Variants in GABRA2 observed in about 807,000 individuals in gnomAD.
GABRA2 encodes gamma-aminobutyric acid receptor subunit alpha-2.
Under a neutral mutation model 48.7 loss-of-function variants are expected in GABRA2, and 16 were observed. The ratio of observed to expected loss-of-function variants is 0.33; its 90% confidence interval spans 0.22 to 0.50. The LOEUF (loss-of-function observed/expected upper bound fraction) is 0.50. Among genes scored for constraint, GABRA2 ranks in the 20% least tolerant of loss-of-function variants. GABRA2 has a pLI of 0.98. For missense variants in GABRA2, 275 were observed against 535.6 expected (o/e 0.51, Z 4.80); for synonymous variants, 185 against 184.5 (o/e 1.00, Z -0.02).
At chr4:46,282,304 A>C (rs1188987239) in intron 8 of GABRA2, among the ~76,000 whole-genome samples, 1 of 152,180 alleles carries the variant, frequency 6.6e-6, no homozygotes, top group East Asian at 1.9e-4. Flanking sequence ...AGCCAGGACG[A>C]CTGTATCAGG....
At chr4:46,265,387 T>TAA (rs1419637660) in intron 8 of GABRA2, among the ~76,000 whole-genome samples, 1 of 128,886 alleles carries the variant, frequency 7.8e-6, no homozygotes, top group African/African-American at 2.9e-5. Flanking sequence ...GTGTACACAA[T>TAA]ATATATATAA....
At chr4:46,291,885 T>A (rs1183955020) in intron 8 of GABRA2, among the ~76,000 whole-genome samples, 1 of 151,772 alleles carries the variant, frequency 6.6e-6, no homozygotes, top group African/African-American at 2.4e-5. Context: ...GCCAGGAGTG[T>A]TTACAGAGAA....
intron 4 of GABRA2, among the ~76,000 whole-genome samples, chr4:46,321,990 A>C (rs1729533035): frequency 6.6e-6 from 1 of 152,042 alleles, no homozygotes; most frequent in African/African-American, 2.4e-5. Flanking sequence ...TGGGAGATCC[A>C]GTATTCATCC....
intron 8 of GABRA2, among the ~76,000 whole-genome samples, chr4:46,270,201 T>A (rs1265745746): frequency 6.6e-6 from 1 of 151,978 alleles, no homozygotes; most frequent in African/African-American, 2.4e-5. Flanking sequence ...TTTTCTTTCA[T>A]CTGATTTTGG....
chr4:46,350,489 TTG>T (rs1008980760), intron 3 of GABRA2, among the ~76,000 whole-genome samples: 4 of 151,658 alleles, frequency 2.6e-5, no homozygotes, highest in African/African-American at 4.8e-5. Context: ...ATACATATAT[TTG>T]TATATATATA....
chr4:46,362,139 A>G (rs1408349280), intron 3 of GABRA2, among the ~76,000 whole-genome samples: 2 of 152,110 alleles, frequency 1.3e-5, no homozygotes, highest in Non-Finnish European at 2.9e-5. Flanking sequence ...ATGTGATGGC[A>G]TGAGATTTGG....
chr4:46,287,819 C>G (rs1722850588), intron 8 of GABRA2, among the ~76,000 whole-genome samples: 1 of 151,894 alleles, frequency 6.6e-6, no homozygotes, highest in African/African-American at 2.4e-5. Context: ...GGTAAAATAG[C>G]TGTATTTGTC....
At chr4:46,287,637 G>A (rs1165460799) in intron 8 of GABRA2, among the ~76,000 whole-genome samples, 1 of 115,056 alleles carries the variant, frequency 8.7e-6, no homozygotes, top group African/African-American at 3.3e-5. Flanking sequence ...TGTGGGGTGG[G>A]GGGAGGGGGG....
intron 3 of GABRA2, among the ~76,000 whole-genome samples, chr4:46,341,079 A>G (rs909915906): frequency 6.6e-6 from 1 of 151,984 alleles, no homozygotes; most frequent in African/African-American, 2.4e-5. Flanking sequence ...ATCCTTTAAA[A>G]AATATATGAT....
chr4:46,283,783 G>A lies in GABRA2; in HGVS notation c.856+19677C>T, dbSNP rs547206334. 3.3e-4 allele frequency among the ~76,000 whole-genome samples: 50 copies of A among 152,150 alleles called. No individual in the cohort carries two copies. In the South Asian group the frequency reaches 5.0e-3, roughly 15 times the overall value. ...TTTCTGTTTGTTTGTTTTTTGAGAC[G>A]GAGTCTCACTCTGTCACCCAGGCCG... On this transcript the variant is annotated intron_variant, in intron 8 of 9. Transcript: ENST00000381620.
At chr4:46,376,499 C>T (rs1394237705) in intron 3 of GABRA2, among the ~76,000 whole-genome samples, 3 of 152,124 alleles carry the variant, frequency 2.0e-5, no homozygotes, top group East Asian at 3.9e-4. Flanking sequence ...TGACTGAGGA[C>T]AACACCTTCA....
intron 1 of GABRA2, chr4:46,389,229 T>C: frequency 3.0e-6 from 3 of 986,512 alleles, no homozygotes; most frequent in South Asian, 4.7e-5. Flanking sequence ...TTACTCTACA[T>C]TACAGTGAAC....
At chr4:46,266,311 A>T (rs898950034) in intron 8 of GABRA2, among the ~76,000 whole-genome samples, 6 of 147,922 alleles carry the variant, frequency 4.1e-5, no homozygotes, top group Non-Finnish European at 9.0e-5. Flanking sequence ...TTAATTTTTA[A>T]TATTTAAAAT....
At chr4:46,298,086 TGAG>T (rs1212396180) in intron 8 of GABRA2, among the ~76,000 whole-genome samples, 4 of 152,160 alleles carry the variant, frequency 2.6e-5, no homozygotes, top group Non-Finnish European at 5.9e-5. Flanking sequence ...TCCAGTGTGT[TGAG>T]AGAAGAGGCT....
chr4:46,370,842 A>C (rs1198035925), intron 3 of GABRA2, among the ~76,000 whole-genome samples: 1 of 152,046 alleles, frequency 6.6e-6, no homozygotes, highest in East Asian at 1.9e-4. Context: ...AATTGGTTTT[A>C]GATTTCTGTT....
At chr4:46,310,075 A>G (rs975913474) in intron 6 of GABRA2, 98 bp downstream of exon 6, 4 of 776,484 alleles carry the variant, frequency 5.2e-6, no homozygotes, top group Non-Finnish European at 8.8e-6. Flanking sequence ...ATTGTCAATC[A>G]TCTCATAATT....
chr4:46,255,853 T>A (rs1315669633), intron 9 of GABRA2, among the ~76,000 whole-genome samples: 1 of 151,674 alleles, frequency 6.6e-6, no homozygotes, highest in Non-Finnish European at 1.5e-5. Context: ...TAACTTCAGC[T>A]GATGTTCTAG....
intron 8 of GABRA2, among the ~76,000 whole-genome samples, chr4:46,275,716 T>G (rs1720351732): frequency 6.6e-6 from 1 of 152,162 alleles, no homozygotes; most frequent in African/African-American, 2.4e-5. Flanking sequence ...TAAAATGCAG[T>G]GTGACTGGTC....
chr4:46,321,208 A>G lies in GABRA2; in HGVS notation c.256-8492T>C, dbSNP rs190209853. On this transcript the variant is annotated intron_variant, in intron 4 of 9. Transcript: ENST00000381620. ...CGTTGGTTGTTTGAATACATAGAAT[A>G]AAATGTTGGCAGTTACTGCGGTGGG... Among the ~76,000 whole-genome samples the G allele has an allele frequency of 2.0e-5, 3 of 152,060 alleles. No individual in the cohort carries two copies. In the East Asian group the frequency reaches 5.8e-4, roughly 29 times the overall value.
Sources: allele counts gnomAD v4.1 joint callset (sites outside exome capture counted in the v4.1 genomes callset), GRCh38; gene constraint gnomAD v4.1.1; transcripts MANE v1.5; gene names NCBI Gene and HGNC (gene_info 2026-07-23, HGNC 2026-07-21).